The following CDH4 variants were observed in gnomAD, a reference collection of about 807,000 sequenced individuals.
CDH4 encodes the protein cadherin 4.
A neutral mutation model predicts 86.0 loss-of-function variants in CDH4; 33 were observed. The observed-to-expected ratio is 0.38, with a 90% CI of 0.29 to 0.51. The LOEUF (loss-of-function observed/expected upper bound fraction) is 0.51. CDH4 is among the 20% of genes least tolerant of loss of function. The pLI is 0.86. For synonymous variants in CDH4, 555 were observed against 549.4 expected (o/e 1.01, Z -0.14); for missense variants, 1,114 against 1,307.4 (o/e 0.85, Z 2.28).
intron 14 of CDH4, among the ~76,000 whole-genome samples, chr20:61,933,425 C>T (rs140472954): frequency 1.2e-4 from 18 of 152,318 alleles, no homozygotes; most frequent in African/African-American, 2.2e-4. Flanking sequence ...CCAAGCACAC[C>T]GATGCCCACT....
At chr20:61,283,893 T>C (rs1321896762) in intron 2 of CDH4, among the ~76,000 whole-genome samples, 2 of 152,346 alleles carry the variant, frequency 1.3e-5, no homozygotes, top group East Asian at 3.9e-4. Flanking sequence ...ACTGCCACCC[T>C]GGCCCTAGTT....
chr20:61,483,950 G>A (rs546135588), intron 2 of CDH4, among the ~76,000 whole-genome samples: 6 of 152,222 alleles, frequency 3.9e-5, no homozygotes, highest in Admixed American at 3.3e-4. Context: ...CCATCTTTCT[G>A]ATATACTCAT....
In CDH4 at chr20:61,773,916, A is replaced by G. The variant is rs112748098; in HGVS notation, c.576+734A>G. 8.9e-3 allele frequency among the ~76,000 whole-genome samples: 1,352 copies of G among 152,328 alleles called. 24 individuals are homozygous for G. Among genetic ancestry groups the G allele is most frequent in the African/African-American group, 0.031 (1,290 of 41,566 alleles). ...TTTTGTTTCTCATTCCTTTCAATGCAGAAGGCTGGGCTGTGCGTTTGGAAT... is the reference window on the plus strand; with the variant it reads ...TTTTGTTTCTCATTCCTTTCAATGCGGAAGGCTGGGCTGTGCGTTTGGAAT... On this transcript the variant is annotated intron_variant, in intron 4 of 15. Transcript: ENST00000614565.
chr20:61,884,816 G>A (rs1423221490), intron 7 of CDH4, among the ~76,000 whole-genome samples: 1 of 152,200 alleles, frequency 6.6e-6, no homozygotes, highest in Non-Finnish European at 1.5e-5. Flanking sequence ...TTTGGAGGAA[G>A]GAGAGAGCCC....
intron 4 of CDH4, among the ~76,000 whole-genome samples, chr20:61,806,437 G>A (rs976208401): frequency 8.5e-5 from 13 of 152,258 alleles, no homozygotes; most frequent in African/African-American, 2.7e-4. Flanking sequence ...AACACAGTTT[G>A]TGCGGCCGTG....
At chr20:61,592,001 C>T (rs185168072) in intron 2 of CDH4, among the ~76,000 whole-genome samples, 117 of 152,274 alleles carry the variant, frequency 7.7e-4, no homozygotes, top group Non-Finnish European at 1.5e-3. Context: ...CAGACTGACG[C>T]GTTCCTTTTC....
At position 61,914,831 on chromosome 20, in the gene CDH4, C is replaced by T. The variant is rs142465438; in HGVS notation, c.1374+4224C>T. The stretch of plus-strand genomic sequence containing the variant: ...CACAGCTGCCGTCTTCCCCACTGGG[C>T]ACAAGGAGGAGCAAACCAAGTTCCT... On this transcript the variant is annotated intron_variant, in intron 9 of 15. Transcript: ENST00000614565. 2.3e-3 allele frequency among the ~76,000 whole-genome samples: 348 copies of T among 152,294 alleles called. 2 individuals carry two copies. Among genetic ancestry groups the T allele is most frequent in the African/African-American group, 8.2e-3 (340 of 41,550 alleles).
At chr20:61,877,780 G>A (rs1243226403) in intron 7 of CDH4, among the ~76,000 whole-genome samples, 1 of 152,206 alleles carries the variant, frequency 6.6e-6, no homozygotes, top group African/African-American at 2.4e-5. Context: ...ACCCCCATGT[G>A]GACCAGCATC....
intron 9 of CDH4, among the ~76,000 whole-genome samples, chr20:61,917,033 C>T (rs1311897277): frequency 2.0e-5 from 3 of 152,214 alleles, no homozygotes; most frequent in Admixed American, 2.0e-4. Flanking sequence ...TCTCAGCCAT[C>T]AGTCACCCAA....
intron 2 of CDH4, among the ~76,000 whole-genome samples, chr20:61,275,509 G>T (rs1237560991): frequency 7.2e-6 from 1 of 138,650 alleles, no homozygotes; most frequent in African/African-American, 2.8e-5. Flanking sequence ...ACTGTGTGCA[G>T]TTTGGGGGAG....
At chr20:61,630,991 A>G (rs1252209768) in intron 2 of CDH4, among the ~76,000 whole-genome samples, 1 of 152,238 alleles carries the variant, frequency 6.6e-6, no homozygotes, top group Non-Finnish European at 1.5e-5. Flanking sequence ...GGCGTGCCCC[A>G]GGAAATCCTG....
At chr20:61,424,373 CAT>C (rs2085199509) in intron 2 of CDH4, among the ~76,000 whole-genome samples, 2 of 151,862 alleles carry the variant, frequency 1.3e-5, no homozygotes, top group South Asian at 2.1e-4. Context: ...TATCCACAAA[CAT>C]GTATCCACAC....
intron 2 of CDH4, among the ~76,000 whole-genome samples, chr20:61,679,413 A>T (rs2087483182): frequency 6.6e-6 from 1 of 152,168 alleles, no homozygotes; most frequent in Non-Finnish European, 1.5e-5. Flanking sequence ...TTGCACTTTC[A>T]TCAAGTTCCT....
chr20:61,365,445 G>A (rs934915276), intron 2 of CDH4, among the ~76,000 whole-genome samples: 1 of 152,140 alleles, frequency 6.6e-6, no homozygotes, highest in Non-Finnish European at 1.5e-5. Flanking sequence ...GGTCAGACGG[G>A]TGATGAGTGC....
intron 4 of CDH4, among the ~76,000 whole-genome samples, chr20:61,777,594 GCA>G (rs2088855837): frequency 6.6e-6 from 1 of 151,282 alleles, no homozygotes. Flanking sequence ...CAGTGCATGT[GCA>G]CACACATCCA....
At chr20:61,526,539 G>A (rs1472403419) in intron 2 of CDH4, among the ~76,000 whole-genome samples, 1 of 150,318 alleles carries the variant, frequency 6.7e-6, no homozygotes, top group Non-Finnish European at 1.5e-5. Flanking sequence ...GGGTACATGT[G>A]CACAATGTGC....
intron 4 of CDH4, among the ~76,000 whole-genome samples, chr20:61,799,915 C>T (rs958742048): frequency 2.0e-5 from 3 of 152,150 alleles, no homozygotes; most frequent in South Asian, 2.1e-4. Flanking sequence ...GGCTCTGCCC[C>T]GCTCCCCATC....
At chr20:61,571,970 G>A (rs947272049) in intron 2 of CDH4, among the ~76,000 whole-genome samples, 2 of 152,068 alleles carry the variant, frequency 1.3e-5, no homozygotes, top group East Asian at 3.9e-4. Context: ...AGTTCCCCAG[G>A]GTCTCACAGA....
At chr20:61,551,765 A>G (rs1048718243) in intron 2 of CDH4, among the ~76,000 whole-genome samples, 2 of 152,238 alleles carry the variant, frequency 1.3e-5, no homozygotes, top group Non-Finnish European at 2.9e-5. Context: ...ACAGCATGGT[A>G]CTCACATAAG....
Sources: allele counts gnomAD v4.1 joint callset (sites outside exome capture counted in the v4.1 genomes callset), GRCh38; gene constraint gnomAD v4.1.1; transcripts MANE v1.5; gene names NCBI Gene and HGNC (gene_info 2026-07-23, HGNC 2026-07-21).